The following MAEA variants were observed in gnomAD, a reference collection of about 807,000 sequenced individuals.
The protein encoded by MAEA is macrophage erythroblast attacher, E3 ubiquitin ligase.
A neutral mutation model predicts 46.2 loss-of-function variants in MAEA; 22 were observed. That is an observed-to-expected ratio of 0.48 (90% CI 0.34 to 0.68). The LOEUF is 0.68. Ranked by LOEUF, MAEA falls within the 30% of genes least tolerant of loss-of-function variation. The pLI, the probability that MAEA is intolerant of heterozygous loss-of-function variation, is 0.01. For synonymous variants in MAEA, 246 were observed against 222.6 expected, an observed-to-expected ratio of 1.11 and a Z score of -0.94; for missense variants, 393 against 558.1, an observed-to-expected ratio of 0.70 and a Z score of 2.98.
chr4:1,309,966 T>A (rs1463333040), intron 1 of MAEA: 2 of 1,248,082 alleles, frequency 1.6e-6, no homozygotes, highest in East Asian at 6.2e-5. Context: ...GAGAGGCCTT[T>A]CCTTTTCTGG....
rs551866957 is a variant in MAEA at position 1,328,639 on chromosome 4, C to T, written c.656+936C>T. The stretch of plus-strand genomic sequence containing the variant: ...GACTCCATATCCACCTGCAGTGGGC[C>T]GGGTGGCCGAGTGTTCCACAGAAGG... On this transcript the variant is annotated intron_variant, in intron 5 of 8. Coordinates refer to ENST00000303400, the MANE Select transcript of MAEA (RefSeq NM_001017405.3). 1.7e-5 allele frequency: 21 copies of T among 1,268,746 alleles called. No homozygotes were observed. In the East Asian group the frequency reaches 1.7e-4, roughly 10 times the overall value. The allele number at this position is 1,268,746 out of a possible 1,614,324, so 78.6% of individuals were successfully genotyped here. A position where few individuals can be genotyped will look rare whatever the true frequency, so the allele number is the denominator to read the frequency against.
At chr4:1,297,560 T>C (rs963458467) in intron 1 of MAEA, among the ~76,000 whole-genome samples, 2 of 151,768 alleles carry the variant, frequency 1.3e-5, no homozygotes, top group African/African-American at 4.9e-5. Flanking sequence ...TTTTGCCCTT[T>C]GTCCCTTGCC....
intron 3 of MAEA, among the ~76,000 whole-genome samples, chr4:1,318,691 G>T (rs983976092): frequency 2.0e-5 from 3 of 152,176 alleles, no homozygotes; most frequent in Non-Finnish European, 2.9e-5. Context: ...CTGTGGCCGA[G>T]GGGGAGCTGC....
intron 3 of MAEA, among the ~76,000 whole-genome samples, chr4:1,316,237 C>G (rs1737150639): frequency 6.6e-6 from 1 of 152,210 alleles, no homozygotes; most frequent in South Asian, 2.1e-4. Flanking sequence ...GTGGCTACAG[C>G]TGAGCAGACG....
At chr4:1,297,974 C>A (rs939820794) in intron 1 of MAEA, 1 of 456,150 alleles carries the variant, frequency 2.2e-6, no homozygotes, top group Non-Finnish European at 4.4e-6. Flanking sequence ...AGCATGGAAA[C>A]CCCGCTGTGC....
chr4:1,291,663 G>A (rs1178539120), intron 1 of MAEA, among the ~76,000 whole-genome samples: 1 of 152,200 alleles, frequency 6.6e-6, no homozygotes, highest in African/African-American at 2.4e-5. Flanking sequence ...GCTGGTGAAT[G>A]TGGGAAACAC....
chr4:1,328,391 C>T (rs573478196), intron 5 of MAEA, among the ~76,000 whole-genome samples: 26 of 152,350 alleles, frequency 1.7e-4, no homozygotes, highest in Non-Finnish European at 2.6e-4. Context: ...TGGGCAGTGT[C>T]GGCCAGTTCA....
At chr4:1,331,273 C>T (rs1242457996) in intron 5 of MAEA, 2 of 151,372 alleles carry the variant, frequency 1.3e-5, no homozygotes, top group African/African-American at 4.9e-5. Flanking sequence ...CCCCCGACTC[C>T]CAGTCCCTGT....
intron 1 of MAEA, among the ~76,000 whole-genome samples, chr4:1,296,453 C>T (rs73069986): frequency 0.1 from 13,673 of 132,154 alleles, 1,660 homozygotes; most frequent in East Asian, 0.33. Flanking sequence ...CTCACCCGTG[C>T]CTGTGCCCCC....
intron 3 of MAEA, among the ~76,000 whole-genome samples, chr4:1,319,865 T>C (rs909423111): frequency 6.6e-6 from 1 of 151,748 alleles, no homozygotes; most frequent in Non-Finnish European, 1.5e-5. Flanking sequence ...GAAAACACTA[T>C]GAAGGGGCTC....
chr4:1,334,086 GCACC>G, intron 6 of MAEA, among the ~76,000 whole-genome samples: 1 of 12,404 alleles, frequency 8.1e-5, no homozygotes, highest in South Asian at 3.0e-3. Context: ...GCTCACCCCT[GCACC>G]CATCCCATGC....
intron 1 of MAEA, among the ~76,000 whole-genome samples, chr4:1,302,178 C>T (rs1735384467): frequency 6.6e-6 from 1 of 152,136 alleles, no homozygotes. Context: ...GTAGGATTTC[C>T]CCCAGAAATG....
intron 2 of MAEA, among the ~76,000 whole-genome samples, chr4:1,315,052 A>AT (rs796590041): frequency 2.1e-4 from 32 of 152,222 alleles, no homozygotes; most frequent in African/African-American, 7.2e-4. Flanking sequence ...ATTGCAAAAG[A>AT]TTTTTTTAAA....
intron 3 of MAEA, among the ~76,000 whole-genome samples, chr4:1,321,757 G>C (rs1206857236): frequency 2.0e-5 from 3 of 152,120 alleles, no homozygotes; most frequent in Non-Finnish European, 4.4e-5. Flanking sequence ...ACCAGCTGCT[G>C]TCCTGCCCCT....
At chr4:1,309,267 CGAGTTA>C (rs1255906589) in intron 1 of MAEA, among the ~76,000 whole-genome samples, 1 of 152,154 alleles carries the variant, frequency 6.6e-6, no homozygotes, top group Non-Finnish European at 1.5e-5. Flanking sequence ...TAATTTGGCT[CGAGTTA>C]GAGTCTTTAG....
intron 1 of MAEA, among the ~76,000 whole-genome samples, chr4:1,307,039 A>G (rs1735897947): frequency 6.6e-6 from 1 of 152,196 alleles, no homozygotes; most frequent in Admixed American, 6.5e-5. Context: ...TTCCTAGACC[A>G]GTGCTGTACT....
chr4:1,310,347 C>A (rs1184919123), intron 1 of MAEA, among the ~76,000 whole-genome samples: 1 of 152,182 alleles, frequency 6.6e-6, no homozygotes, highest in Non-Finnish European at 1.5e-5. Context: ...GTAGAGCAGA[C>A]GAAAAGAATC....
At chr4:1,301,729 AAAAT>A (rs1034575833) in intron 1 of MAEA, among the ~76,000 whole-genome samples, 288 of 152,066 alleles carry the variant, frequency 1.9e-3, no homozygotes, top group African/African-American at 6.7e-3. Flanking sequence ...TGAATAAGTA[AAAAT>A]AAATAAGCAC....
chr4:1,314,186 C>T (rs192867693), intron 2 of MAEA, among the ~76,000 whole-genome samples: 1 of 150,892 alleles, frequency 6.6e-6, no homozygotes, highest in African/African-American at 2.4e-5. Flanking sequence ...AAAAATTAGC[C>T]GGGCATGGTG....
Sources: allele counts gnomAD v4.1 joint callset (sites outside exome capture counted in the v4.1 genomes callset), GRCh38; gene constraint gnomAD v4.1.1; transcripts MANE v1.5; gene names NCBI Gene and HGNC (gene_info 2026-07-23, HGNC 2026-07-21).